The following CDKL1 variants were observed in gnomAD, a reference collection of about 807,000 sequenced individuals.
CDKL1 encodes cyclin dependent kinase like 1.
In CDKL1, 41 loss-of-function variants were observed where a neutral mutation model predicts 42.0. That is an observed-to-expected ratio of 0.98 (90% confidence interval 0.76 to 1.27). The LOEUF (loss-of-function observed/expected upper bound fraction) is 1.27. Ranked by LOEUF, CDKL1 falls within the 50% of genes most tolerant of loss-of-function variation. The pLI is 0.00. For missense variants in CDKL1, 394 were observed against 428.4 expected, an observed-to-expected ratio of 0.92 and a Z score of 0.71; for synonymous variants, 153 against 158.6, an observed-to-expected ratio of 0.96 and a Z score of 0.26.
chr14:50,331,476 C>T (rs1166940345), intron 9 of CDKL1: 2 of 154,220 alleles, frequency 1.3e-5, no homozygotes, highest in African/African-American at 4.8e-5. Flanking sequence ...ACTTGTTCCT[C>T]ATGGACCTTT....
intron 2 of CDKL1, among the ~76,000 whole-genome samples, chr14:50,360,180 C>T (rs924704170): frequency 7.9e-5 from 12 of 152,060 alleles, no homozygotes; most frequent in African/African-American, 1.7e-4. Context: ...ATTAACTTTC[C>T]GCCCTGATTT....
At position 50,331,838 on chromosome 14, in the gene CDKL1, C is replaced by G. The variant is rs531420266; in HGVS notation, c.966+424G>C. On this transcript the variant is annotated intron_variant, in intron 9 of 9. Transcript: ENST00000395834. ...CTGTATTTGCCCTAGCCAACTCTGA[C>G]AAAGGATCAGGGAGGAAAACAGCTC... is the stretch of plus-strand genomic sequence containing the variant. 57 of 609,752 alleles carry G rather than the reference C, an allele frequency of 9.3e-5. No individual in the cohort carries two copies. The East Asian group carries it at 1.6e-3, about 17-fold the overall frequency. The allele number at this position is 609,752 out of a possible 1,614,324, so 37.8% of individuals were successfully genotyped here. A position where few individuals can be genotyped will look rare whatever the true frequency, so the allele number is the denominator to read the frequency against.
Position 50,332,251 on chromosome 14 carries a change from C to G in CDKL1, c.966+11G>C, listed in dbSNP as rs74049391. On this transcript the variant is annotated intron_variant, in intron 9 of 9. Transcript: ENST00000395834. Reference sequence around the variant, plus strand: ...CCAGGTGGCAGGTAGGAGATCATTTCAAATTATAACCTTGGATGTTTCTGT... The same window carrying G: ...CCAGGTGGCAGGTAGGAGATCATTTGAAATTATAACCTTGGATGTTTCTGT... 8,526 of 1,614,108 alleles carry G rather than the reference C, an allele frequency of 5.3e-3. 155 individuals carry two copies. The highest frequency in any genetic ancestry group is 0.051 in the African/African-American group (3,835 of 75,018).
chr14:50,359,213 A>G, intron 2 of CDKL1, 64 bp from the exon 3 acceptor site: 1 of 1,539,772 alleles, frequency 6.5e-7, no homozygotes, highest in Non-Finnish European at 8.8e-7. Context: ...TCTAATCTTG[A>G]TCCAATAAAA....
At chr14:50,357,980 AC>A in intron 3 of CDKL1, 1 of 1,205,832 alleles carries the variant, frequency 8.3e-7, no homozygotes, top group Non-Finnish European at 1.1e-6. Flanking sequence ...GCCTGAAAAC[AC>A]CCAGCTGAGG....
chr14:50,377,683 C>A, intron 2 of CDKL1: 2 of 1,329,658 alleles, frequency 1.5e-6, no homozygotes, highest in Admixed American at 2.1e-5. Context: ...AGTCACTAAG[C>A]CTTTTGTCAG....
intron 3 of CDKL1, among the ~76,000 whole-genome samples, chr14:50,349,999 G>T (rs779586995): frequency 2.6e-5 from 4 of 152,160 alleles, no homozygotes; most frequent in African/African-American, 9.7e-5. Flanking sequence ...GGCTGGGCTC[G>T]AACGCCTGAC....
chr14:50,372,160 C>A (rs1222341617), intron 2 of CDKL1, among the ~76,000 whole-genome samples: 1 of 152,240 alleles, frequency 6.6e-6, no homozygotes, highest in Non-Finnish European at 1.5e-5. Flanking sequence ...GTTGCTCAGG[C>A]TGGAGTGCAG....
intron 3 of CDKL1, 94 bp from the exon 4 acceptor site, chr14:50,345,152 G>T: frequency 8.8e-7 from 1 of 1,136,440 alleles, no homozygotes; most frequent in Non-Finnish European, 1.3e-6. Context: ...GGCTTTAGTA[G>T]TGAAAAATCT....
chr14:50,349,909 C>T (rs1457517688), intron 3 of CDKL1, among the ~76,000 whole-genome samples: 1 of 152,196 alleles, frequency 6.6e-6, no homozygotes, highest in African/African-American at 2.4e-5. Flanking sequence ...GCTGGGATTA[C>T]AGGCACACAC....
At chr14:50,358,886 C>T (rs921110690) in intron 3 of CDKL1, 142 bp downstream of exon 3, 35 of 673,432 alleles carry the variant, frequency 5.2e-5, no homozygotes, top group African/African-American at 4.6e-4. Context: ...ATGATCCACC[C>T]GTCTAGGCCT....
chr14:50,332,655 C>A (rs759890169), intron 8 of CDKL1: 20 of 1,530,250 alleles, frequency 1.3e-5, no homozygotes, highest in Middle Eastern at 1.7e-4. Flanking sequence ...ATCATTTTCT[C>A]CACCTTATTC....
Position 50,329,852 on chromosome 14 carries a change from C to A in CDKL1, c.*222G>T. The A allele has an allele frequency of 2.0e-6, 1 of 502,538 alleles. No individual in the cohort carries two copies. The highest frequency in any genetic ancestry group is 3.4e-6 in the Non-Finnish European group (1 of 290,476). The allele number at this position is 502,538 out of a possible 1,614,324, so 31.1% of individuals were successfully genotyped here. A position where few individuals can be genotyped will look rare whatever the true frequency, so the allele number is the denominator to read the frequency against. ...ACTTACATAAACTGAAATACAAGTG[C>A]AACTCCAAACAGGTTTTTTCTTTTC... On this transcript the variant is annotated 3_prime_UTR_variant, in exon 10 of 10. Transcript: ENST00000395834.
intron 7 of CDKL1, among the ~76,000 whole-genome samples, chr14:50,336,869 A>AG: frequency 6.6e-6 from 1 of 152,002 alleles, no homozygotes; most frequent in Non-Finnish European, 1.5e-5. Flanking sequence ...AATGTAAAAA[A>AG]AAAAAGCTTT....
chr14:50,396,351 T>C (rs1371147970), intron 1 of CDKL1, 22 bp from the exon 2 acceptor site: 19 of 987,640 alleles, frequency 1.9e-5, no homozygotes. Context: ...CAGCACATGT[T>C]AAGGAATGAA....
rs571030844 is a variant in CDKL1, at chr14:50,326,835, G to A, written c.*3239C>T. 5.7e-6 allele frequency: 5 copies of A among 873,196 alleles called. No individual in the cohort carries two copies. In the South Asian group the frequency reaches 2.1e-4, roughly 37 times the overall value. 54.1% of individuals were successfully genotyped at this position (873,196 alleles called of 1,614,324 possible). Reference sequence around the variant, plus strand: ...GTGGGAGGATCACTTGAGACCAGGAGTTTGAGACCAATTTGGGCAACACAG... The same window carrying A: ...GTGGGAGGATCACTTGAGACCAGGAATTTGAGACCAATTTGGGCAACACAG... On this transcript the variant is annotated 3_prime_UTR_variant, in exon 10 of 10. Coordinates refer to ENST00000395834, the MANE Select transcript of CDKL1 (RefSeq NM_004196.7).
chr14:50,329,645 G>A lies in CDKL1; in HGVS notation c.*429C>T, dbSNP rs1380241704. On this transcript the variant is annotated 3_prime_UTR_variant, in exon 10 of 10. Transcript: ENST00000395834. ...ATAGAACTATCTTAAATATGATGCTGAAACAATCTGAGAGGCAGGAGATAG... is the reference window on the plus strand; with the variant it reads ...ATAGAACTATCTTAAATATGATGCTAAAACAATCTGAGAGGCAGGAGATAG... The A allele has an allele frequency of 6.4e-6, 1 of 156,160 alleles. No homozygotes were observed. The highest frequency in any genetic ancestry group is 6.4e-5 in the Admixed American group (1 of 15,718). 9.7% of individuals were successfully genotyped at this position (156,160 alleles called of 1,614,324 possible).
At chr14:50,349,192 C>T (rs2033822111) in intron 3 of CDKL1, among the ~76,000 whole-genome samples, 1 of 152,112 alleles carries the variant, frequency 6.6e-6, no homozygotes, top group Non-Finnish European at 1.5e-5. Flanking sequence ...CATCAGGCTT[C>T]TTGGCACTAG....
At chr14:50,358,278 T>A (rs2034118871) in intron 3 of CDKL1, 1 of 467,284 alleles carries the variant, frequency 2.1e-6, no homozygotes, top group East Asian at 8.5e-5. Context: ...ACCAAAGAAA[T>A]CCTGAGTAAT....
Sources: gnomAD v4.1 joint callset for allele counts (sites outside exome capture counted in the v4.1 genomes callset) on GRCh38, gnomAD v4.1.1 for gene constraint, MANE v1.5 for transcripts, NCBI Gene and HGNC (gene_info 2026-07-23, HGNC 2026-07-21) for gene names.